PANK1: variants seen among roughly 807,000 people sequenced by gnomAD.
PANK1 encodes the protein pantothenic acid kinase 1.
A neutral mutation model predicts 40.1 loss-of-function variants in PANK1; 18 were observed. That is an observed-to-expected ratio of 0.45 (90% CI 0.31 to 0.67). The LOEUF (loss-of-function observed/expected upper bound fraction) is 0.67. Ranked by LOEUF, PANK1 falls within the 30% of genes least tolerant of loss-of-function variation. The pLI, the probability that PANK1 is intolerant of heterozygous loss-of-function variation, is 0.06. For synonymous variants in PANK1, 242 were observed against 237.7 expected (o/e 1.02, Z -0.17); for missense variants, 457 against 599.6 (o/e 0.76, Z 2.48).
At chr10:89,591,691 A>C (rs1323068113) in intron 5 of PANK1, among the ~76,000 whole-genome samples, 1 of 152,224 alleles carries the variant, frequency 6.6e-6, no homozygotes, top group East Asian at 1.9e-4. Context: ...GCCCCACAGA[A>C]ACATATAAAA....
In PANK1 at chr10:89,599,431, A is replaced by G. The variant is rs752411685; in HGVS notation, c.720T>C (p.Val240=). Residue 240 remains valine (V), a synonymous_variant, in exon 3 of 7, where the codon GTT becomes GTC. Transcript: ENST00000307534. ...AACATTCTGGCTTGCCGTTGAAGCC[A>G]ACAGAGTCGACATAAAGCAGGCCCT... The part of the protein sequence containing the change: ...LIQGLLYVDS[V]GFNGKPECYY... 1 of 1,613,770 alleles carries G rather than the reference A, an allele frequency of 6.2e-7. No individual in the cohort carries two copies. The highest frequency in any genetic ancestry group is 1.7e-5 in the Admixed American group (1 of 59,996).
At chr10:89,642,516 G>A (rs940067885) in intron 1 of PANK1, among the ~76,000 whole-genome samples, 1 of 152,198 alleles carries the variant, frequency 6.6e-6, no homozygotes, top group Non-Finnish European at 1.5e-5. Flanking sequence ...TGCAAAAATC[G>A]TTCCTGTAAA....
intron 1 of PANK1, among the ~76,000 whole-genome samples, chr10:89,620,247 A>G (rs377285641): frequency 2.0e-5 from 3 of 152,338 alleles, no homozygotes; most frequent in South Asian, 2.1e-4. Flanking sequence ...GGAACAAGGG[A>G]GATAACCGTA....
intron 1 of PANK1, among the ~76,000 whole-genome samples, chr10:89,620,144 C>T (rs540184459): frequency 9.9e-5 from 15 of 152,280 alleles, no homozygotes; most frequent in Non-Finnish European, 2.1e-4. Flanking sequence ...GTGTTGATTG[C>T]GTTAACTGCA....
chr10:89,586,710 T>C (rs1589753998), intron 6 of PANK1, among the ~76,000 whole-genome samples: 1 of 152,336 alleles, frequency 6.6e-6, no homozygotes, highest in Non-Finnish European at 1.5e-5. Context: ...TGCTGCAGTG[T>C]ATACAAGAGA....
At chr10:89,637,243 G>A (rs1158716482) in intron 1 of PANK1, among the ~76,000 whole-genome samples, 1 of 152,068 alleles carries the variant, frequency 6.6e-6, no homozygotes, top group Non-Finnish European at 1.5e-5. Context: ...GCAGCCCTGA[G>A]AAGTGAACTC....
rs754003634 is a variant in PANK1 at position 89,584,057 on chromosome 10, G to A, written c.*349C>T. 1 of 203,366 alleles carries A rather than the reference G, an allele frequency of 4.9e-6. No homozygotes were observed. Among genetic ancestry groups the A allele is most frequent in the East Asian group, 1.1e-4 (1 of 9,094 alleles). 12.6% of individuals were successfully genotyped at this position (203,366 alleles called of 1,614,324 possible). On this transcript the variant is annotated 3_prime_UTR_variant, in exon 7 of 7. Transcript: ENST00000307534. ...GAAGTTAAAATCACCACACTGATCA[G>A]TAAACCCCAGAAGAAAAATGACCAG... is the stretch of plus-strand genomic sequence containing the variant.
chr10:89,621,823 C>T (rs771687197), intron 1 of PANK1, among the ~76,000 whole-genome samples: 4 of 152,226 alleles, frequency 2.6e-5, no homozygotes, highest in Non-Finnish European at 4.4e-5. Context: ...AAGCAATTCT[C>T]CTGTCTCAGC....
intron 5 of PANK1, 84 bp downstream of exon 5, chr10:89,593,113 T>G (rs1296005293): frequency 7.6e-7 from 1 of 1,322,420 alleles, no homozygotes; most frequent in South Asian, 1.3e-5. Context: ...GATATGTAGT[T>G]GTGTAAGAGT....
intron 1 of PANK1, among the ~76,000 whole-genome samples, chr10:89,631,643 T>A (rs1310280291): frequency 6.6e-6 from 1 of 152,254 alleles, no homozygotes; most frequent in Non-Finnish European, 1.5e-5. Context: ...GAGATACTAA[T>A]CACTCTTAGT....
intron 1 of PANK1, among the ~76,000 whole-genome samples, chr10:89,617,970 G>A (rs1424094259): frequency 6.6e-6 from 1 of 152,238 alleles, no homozygotes; most frequent in African/African-American, 2.4e-5. Context: ...AAGTCAGGAA[G>A]CAGCTGAGAA....
At chr10:89,616,011 G>C (rs891003307) in intron 1 of PANK1, among the ~76,000 whole-genome samples, 2 of 152,190 alleles carry the variant, frequency 1.3e-5, no homozygotes, top group African/African-American at 2.4e-5. Context: ...TGTTTGCCAA[G>C]AGGAGTGATG....
At chr10:89,635,386 T>C (rs780520615) in intron 1 of PANK1, among the ~76,000 whole-genome samples, 35 of 152,278 alleles carry the variant, frequency 2.3e-4, no homozygotes, top group Non-Finnish European at 3.8e-4. Context: ...AGAGCATGTG[T>C]GCACAAGAGA....
Position 89,588,765 on chromosome 10 carries a change from CTCTG to C in PANK1, c.1209_1212del (p.Asp403GlufsTer16), listed in dbSNP as rs1436365643. On this transcript the variant is annotated frameshift_variant, in exon 6 of 7. Transcript: ENST00000307534. LOFTEE classifies it high-confidence loss of function. ...CTGAGAAAATTTCCAACAAACACAA[CTCTG>C]TCTATGTTCTGGAAAAAATATTAAA... is the stretch of plus-strand genomic sequence containing the variant. The C allele has an allele frequency of 6.3e-7, 1 of 1,593,906 alleles. No homozygotes were observed. Among genetic ancestry groups the C allele is most frequent in the Non-Finnish European group, 8.5e-7 (1 of 1,171,896 alleles).
At chr10:89,621,419 T>C (rs1185886408) in intron 1 of PANK1, among the ~76,000 whole-genome samples, 5 of 152,218 alleles carry the variant, frequency 3.3e-5, no homozygotes, top group African/African-American at 9.6e-5. Flanking sequence ...GTTGATAGTA[T>C]AACAAAATTA....
At chr10:89,607,472 A>G (rs1564625448) in intron 2 of PANK1, among the ~76,000 whole-genome samples, 1 of 152,242 alleles carries the variant, frequency 6.6e-6, no homozygotes, top group Admixed American at 6.5e-5. Flanking sequence ...AAATACAGCA[A>G]GAATTACCTA....
chr10:89,629,524 A>G (rs1841570726), intron 1 of PANK1, among the ~76,000 whole-genome samples: 1 of 152,192 alleles, frequency 6.6e-6, no homozygotes, highest in Non-Finnish European at 1.5e-5. Flanking sequence ...ATTCTTTAGC[A>G]TTGGAACTTT....
chr10:89,584,479 A>G lies in PANK1; in HGVS notation c.1327-14T>C. ...TCCAAAATAACCCTACGAAAACAAT[A>G]CAAAACGATGATCTCTGAACCTTAG... On this transcript the variant is annotated splice_polypyrimidine_tract_variant and intron_variant, in intron 6 of 6. Transcript: ENST00000307534. 1 of 1,579,898 alleles carries G rather than the reference A, an allele frequency of 6.3e-7. No individual in the cohort carries two copies. Among genetic ancestry groups the G allele is most frequent in the Non-Finnish European group, 8.7e-7 (1 of 1,149,010 alleles).
intron 1 of PANK1, among the ~76,000 whole-genome samples, chr10:89,632,796 G>A (rs1231296430): frequency 6.6e-6 from 1 of 152,142 alleles, no homozygotes; most frequent in African/African-American, 2.4e-5. Context: ...CAGGAAGGGA[G>A]GAAAATAACG....
Sources: gnomAD v4.1 joint callset for allele counts (sites outside exome capture counted in the v4.1 genomes callset) on GRCh38, gnomAD v4.1.1 for gene constraint, MANE v1.5 for transcripts, NCBI Gene and HGNC (gene_info 2026-07-23, HGNC 2026-07-21) for gene names.